Variants in SH3TC1 observed in about 807,000 individuals in gnomAD.
The protein encoded by SH3TC1 is SH3 domain and tetratricopeptide repeat-containing protein 1.
Under a neutral mutation model 117.3 loss-of-function variants are expected in SH3TC1, and 135 were observed. The ratio of observed to expected loss-of-function variants is 1.15; its 90% CI spans 1.00 to 1.33. SH3TC1 has a LOEUF of 1.33. Ranked by LOEUF, SH3TC1 falls within the 40% of genes most tolerant of loss-of-function variation. The pLI is 0.00. For synonymous variants in SH3TC1, 898 were observed against 816.9 expected, an observed-to-expected ratio of 1.10 and a Z score of -1.69; for missense variants, 2,092 against 1,794.3, an observed-to-expected ratio of 1.17 and a Z score of -3.00.
chr4:8,205,793 G>C lies in SH3TC1; in HGVS notation c.172+427G>C. The C allele has an allele frequency of 1.6e-6, 1 of 620,232 alleles. No homozygotes were observed. Among genetic ancestry groups the C allele is most frequent in the Non-Finnish European group, 2.9e-6 (1 of 344,174 alleles). 38.4% of individuals were successfully genotyped at this position (620,232 alleles called of 1,614,324 possible). On this transcript the variant is annotated intron_variant, in intron 2 of 17. Coordinates refer to ENST00000245105, the MANE Select transcript of SH3TC1 (RefSeq NM_018986.5). The surrounding 1 kb of genome is among the most constrained non-coding windows in gnomAD (Gnocchi z 5.4). ...GCCGGGCCAGGCCACCCTGTGGTCA[G>C]GGGCCGGGCCAGGACGTGTGCCCAG...
chr4:8,215,384 A>G (rs1578683082), intron 5 of SH3TC1: 1 of 396,384 alleles, frequency 2.5e-6, no homozygotes, highest in East Asian at 7.3e-5. Flanking sequence ...CAATTCCCCA[A>G]GCACCGGTGA....
chr4:8,202,942 G>A (rs1182093849), intron 1 of SH3TC1, among the ~76,000 whole-genome samples: 1 of 152,254 alleles, frequency 6.6e-6, no homozygotes, highest in African/African-American at 2.4e-5. Context: ...TGCTGATGGA[G>A]CCCAAGGTAT....
chr4:8,219,325 T>A lies in SH3TC1; in HGVS notation c.917-10T>A. ...CTCCCTGGCACTCACCATGTGGCTT[T>A]CTTCCGCAGCTGTGGGCCTGGCCTC... On this transcript the variant is annotated splice_polypyrimidine_tract_variant and intron_variant, in intron 8 of 17. Transcript: ENST00000245105. 6.4e-7 allele frequency: 1 copy of A among 1,569,398 alleles called. No individual in the cohort carries two copies. Among genetic ancestry groups the A allele is most frequent in the Non-Finnish European group, 8.7e-7 (1 of 1,152,310 alleles).
intron 5 of SH3TC1, among the ~76,000 whole-genome samples, chr4:8,215,848 G>A (rs1719212407): frequency 6.6e-6 from 1 of 152,238 alleles, no homozygotes; most frequent in South Asian, 2.1e-4. Context: ...GGGGAATATG[G>A]AGGCGTGGAG....
At chr4:8,239,585 C>T (rs958761589) in intron 17 of SH3TC1, among the ~76,000 whole-genome samples, 3 of 151,404 alleles carry the variant, frequency 2.0e-5, no homozygotes, top group East Asian at 1.9e-4. Context: ...CAGAGGCACA[C>T]GCACACAGGC....
intron 7 of SH3TC1, among the ~76,000 whole-genome samples, chr4:8,217,632 C>T (rs1489962185): frequency 6.6e-6 from 1 of 152,204 alleles, no homozygotes. Flanking sequence ...AAAGAGAGAA[C>T]CTCAATCTCT....
At position 8,228,260 on chromosome 4, in the gene SH3TC1, G is replaced by A. The variant is rs1202355049; in HGVS notation, c.2566G>A (p.Val856Met). Reference sequence around the variant, plus strand: ...CCTGCAGTCTGTCCGGGATGCAGTGGTGGCCAGCGAGGACCAGGAGGGCGT... The same window carrying A: ...CCTGCAGTCTGTCCGGGATGCAGTGATGGCCAGCGAGGACCAGGAGGGCGT... ...DILQSVRDAV[V>M]ASEDQEGVIA... The change falls in exon 12 of 18, where the codon GTG (valine) becomes ATG (methionine). Residue 856 changes from valine (V) to methionine (M), a missense_variant. Physicochemically the swap from Val to Met is conservative, Grantham distance 21. Transcript: ENST00000245105. 2 of 1,612,092 alleles carry A rather than the reference G, an allele frequency of 1.2e-6. No individual in the cohort carries two copies. Among genetic ancestry groups the A allele is most frequent in the Admixed American group, 3.3e-5 (2 of 59,962 alleles).
At chr4:8,201,185 G>C (rs975794726) in intron 1 of SH3TC1, among the ~76,000 whole-genome samples, 8 of 152,142 alleles carry the variant, frequency 5.3e-5, no homozygotes, top group Admixed American at 1.3e-4. Flanking sequence ...CCCATTCAGG[G>C]CTGGCCGCGG....
intron 9 of SH3TC1, among the ~76,000 whole-genome samples, chr4:8,220,389 G>GA (rs891442210): frequency 2.6e-5 from 4 of 151,896 alleles, no homozygotes; most frequent in Non-Finnish European, 5.9e-5. Context: ...GGCTCCTCTG[G>GA]GGGGGGCACT....
At position 8,227,527 on chromosome 4, in the gene SH3TC1, C is replaced by G; in HGVS notation, c.1833C>G (p.Tyr611Ter). 6.5e-7 allele frequency: 1 copy of G among 1,536,570 alleles called. No individual in the cohort carries two copies. The highest frequency in any genetic ancestry group is 8.7e-7 in the Non-Finnish European group (1 of 1,146,766). ...VAVYANLASI[Y>*]RKQKNREKCA... ...TGTACGCCAACCTGGCCAGCATTTA[C>G]CGGAAGCAGAAGAACCGGGAGAAGT... Residue 611 changes from tyrosine (Y) to a stop codon, truncating the protein, a stop_gained, in exon 12 of 18, where the codon TAC becomes TAG. Transcript: ENST00000245105. LOFTEE classifies it high-confidence loss of function.
intron 7 of SH3TC1, 59 bp downstream of exon 7, chr4:8,217,226 G>A (rs562029171): frequency 2.3e-4 from 349 of 1,543,932 alleles, no homozygotes; most frequent in African/African-American, 2.6e-4. Context: ...TCCCAGGCCC[G>A]GGTCATCTGG....
chr4:8,182,407 AG>A (rs1004885744), intron 1 of SH3TC1, among the ~76,000 whole-genome samples: 2 of 152,290 alleles, frequency 1.3e-5, no homozygotes, highest in Non-Finnish European at 2.9e-5. Context: ...ATGGGGTTTC[AG>A]GCGAAGGGCC....
chr4:8,197,817 G>A (rs921877228), upstream of SH3TC1, among the ~76,000 whole-genome samples: 3 of 152,340 alleles, frequency 2.0e-5, no homozygotes, highest in East Asian at 1.9e-4. Flanking sequence ...AGGGCTCACC[G>A]TGCAGGATGC....
At chr4:8,193,007 G>C (rs1472124393) in intron 1 of SH3TC1, among the ~76,000 whole-genome samples, 2 of 152,200 alleles carry the variant, frequency 1.3e-5, no homozygotes, top group South Asian at 4.1e-4. Context: ...GACCACATCT[G>C]GCCCCCTGTC....
chr4:8,219,443 T>C lies in SH3TC1; in HGVS notation c.1025T>C (p.Leu342Pro). 5 of 1,610,312 alleles carry C rather than the reference T, an allele frequency of 3.1e-6. No individual in the cohort carries two copies. The highest frequency in any genetic ancestry group is 4.2e-6 in the Non-Finnish European group (5 of 1,177,972). ...IEILGAQVPS[L>P]PWCVGRHAAS... is the part of the protein sequence containing the mutation. Reference sequence around the variant, plus strand: ...ATCCTTGGGGCGCAGGTGCCCAGCCTGCCCTGGTGCGTGGGCCGACACGCA... The same window carrying C: ...ATCCTTGGGGCGCAGGTGCCCAGCCCGCCCTGGTGCGTGGGCCGACACGCA... Residue 342 changes from leucine to proline, a missense_variant, in exon 9 of 18, where the codon CTG becomes CCG. By Grantham distance (98) the Leu-to-Pro change is moderately conservative (BLOSUM62 -3). Coordinates refer to ENST00000245105, the MANE Select transcript of SH3TC1 (RefSeq NM_018986.5).
At chr4:8,219,593 C>A (rs1216201764) in intron 9 of SH3TC1, 63 bp downstream of exon 9, 8 of 1,403,822 alleles carry the variant, frequency 5.7e-6, no homozygotes, top group Non-Finnish European at 5.6e-6. Context: ...GGGGACGTTG[C>A]TGCGTCCACC....
chr4:8,183,672 T>C lies in SH3TC1; in HGVS notation c.-57+1462T>C, dbSNP rs149241318. 1.6e-4 allele frequency among the ~76,000 whole-genome samples: 25 copies of C among 152,178 alleles called. No individual in the cohort carries two copies. Among genetic ancestry groups the C allele is most frequent in the African/African-American group, 5.5e-4 (23 of 41,512 alleles). ...ACAGTCAGGAAGACAGTTCAGAGAG[T>C]TCTCGTAAAACCCCACCCAGCGGCC... On this transcript the variant is annotated intron_variant, in intron 1 of 16. Coordinates refer to the SH3TC1 transcript ENST00000508641. The surrounding 1 kb of genome is among the most constrained non-coding windows in gnomAD (Gnocchi z 5.4).
intron 15 of SH3TC1, chr4:8,235,984 T>A (rs529873800): frequency 1.3e-5 from 6 of 448,888 alleles, no homozygotes; most frequent in African/African-American, 1.2e-4. Flanking sequence ...TGGGCACAGA[T>A]AAATGTCGTG....
At position 8,190,032 on chromosome 4, in the gene SH3TC1, G is replaced by A. The variant is rs966527656; in HGVS notation, c.-57+7822G>A. 6.6e-5 allele frequency among the ~76,000 whole-genome samples: 10 copies of A among 152,234 alleles called. No individual in the cohort carries two copies. The highest frequency in any genetic ancestry group is 2.6e-4 in the Admixed American group (4 of 15,290). On this transcript the variant is annotated intron_variant, in intron 1 of 16. Transcript: ENST00000508641. This position sits in a 1 kb window ranked among gnomAD's most constrained non-coding sequence, Gnocchi z 4.7. ...CCTGGGTAGTTTTGGGGAGCGCGGC[G>A]TGGGTGCGTTGATGCGAGGCCAGGA...
Sources: allele counts gnomAD v4.1 joint callset (sites outside exome capture counted in the v4.1 genomes callset), GRCh38; gene constraint gnomAD v4.1.1; non-coding constraint Gnocchi (gnomAD v3.1); transcripts MANE v1.5; gene names NCBI Gene and HGNC (gene_info 2026-07-23, HGNC 2026-07-21).